Variants in ZNF385D observed in about 807,000 individuals in gnomAD.
ZNF385D encodes the protein zinc finger protein 385D, also known as zinc finger protein 659.
A neutral mutation model predicts 35.8 loss-of-function variants in ZNF385D; 15 were observed. The observed-to-expected ratio is 0.42, with a 90% CI of 0.28 to 0.64. The LOEUF is 0.64. Ranked by LOEUF, ZNF385D falls within the 30% of genes least tolerant of loss-of-function variation. The pLI, the probability that ZNF385D is intolerant of heterozygous loss-of-function variation, is 0.23. For synonymous variants in ZNF385D, 212 were observed against 186.8 expected, an observed-to-expected ratio of 1.13 and a Z score of -1.10; for missense variants, 474 against 494.6, an observed-to-expected ratio of 0.96 and a Z score of 0.39.
At chr3:21,848,352 G>C (rs1370783010) in intron 3 of ZNF385D, among the ~76,000 whole-genome samples, 1 of 151,636 alleles carries the variant, frequency 6.6e-6, no homozygotes, top group Non-Finnish European at 1.5e-5. Flanking sequence ...AATTACTTCG[G>C]ATAAATATTT....
At chr3:21,880,618 A>G (rs1222922139) in intron 3 of ZNF385D, among the ~76,000 whole-genome samples, 1 of 152,036 alleles carries the variant, frequency 6.6e-6, no homozygotes, top group Non-Finnish European at 1.5e-5. Flanking sequence ...TTTAATTACT[A>G]ACCCTACAAT....
intron 2 of ZNF385D, among the ~76,000 whole-genome samples, chr3:21,594,126 G>A (rs1226951839): frequency 6.6e-6 from 1 of 152,178 alleles, no homozygotes; most frequent in Non-Finnish European, 1.5e-5. Context: ...GCATGATGGA[G>A]TTGGTCCATT....
intron 2 of ZNF385D, among the ~76,000 whole-genome samples, chr3:21,595,610 T>C (rs886410533): frequency 6.6e-6 from 1 of 152,016 alleles, no homozygotes; most frequent in African/African-American, 2.4e-5. Context: ...TTGGAATGGA[T>C]TGATACTTAG....
At chr3:21,472,348 G>A (rs1703947972) in intron 4 of ZNF385D, among the ~76,000 whole-genome samples, 1 of 152,010 alleles carries the variant, frequency 6.6e-6, no homozygotes, top group African/African-American at 2.4e-5. Flanking sequence ...CATGCTAAAG[G>A]ACATAGAGGA....
chr3:22,082,809 C>A (rs566703848), intron 3 of ZNF385D, among the ~76,000 whole-genome samples: 41 of 152,312 alleles, frequency 2.7e-4, no homozygotes, highest in African/African-American at 9.4e-4. Flanking sequence ...TAGGGGCCGA[C>A]TGACACCTCA....
intron 3 of ZNF385D, among the ~76,000 whole-genome samples, chr3:22,005,083 A>AAAAAAAAAAAAAAAAAAAAAC (rs1553717904): frequency 8.5e-6 from 1 of 117,310 alleles, no homozygotes; most frequent in Non-Finnish European, 1.7e-5. Context: ...AAAAAAAAAA[A>AAAAAAAAAAAAAAAAAAAAAC]AGGCAGAAAA....
intron 3 of ZNF385D, among the ~76,000 whole-genome samples, chr3:21,943,308 G>A (rs564889190): frequency 2.1e-4 from 32 of 151,240 alleles, no homozygotes; most frequent in Non-Finnish European, 4.3e-4. Flanking sequence ...GTGTGTGTGT[G>A]TATATATATG....
intron 2 of ZNF385D, among the ~76,000 whole-genome samples, chr3:22,298,813 C>T (rs967031447): frequency 1.3e-5 from 2 of 151,252 alleles, no homozygotes; most frequent in African/African-American, 4.8e-5. Context: ...AATTGTTTAT[C>T]TTTATTTAAT....
chr3:22,253,334 T>G (rs995896499), intron 2 of ZNF385D, among the ~76,000 whole-genome samples: 3 of 151,956 alleles, frequency 2.0e-5, no homozygotes, highest in Non-Finnish European at 4.4e-5. Flanking sequence ...ATAAGGTTAG[T>G]TGCATCAAGA....
At chr3:21,543,392 G>T (rs1416786530) in intron 3 of ZNF385D, among the ~76,000 whole-genome samples, 2 of 152,172 alleles carry the variant, frequency 1.3e-5, no homozygotes, top group Non-Finnish European at 2.9e-5. Flanking sequence ...CCCACCCCTT[G>T]TCGCTCCTGG....
intron 3 of ZNF385D, among the ~76,000 whole-genome samples, chr3:21,824,507 A>ATGTC (rs1694476494): frequency 6.6e-6 from 1 of 152,258 alleles, no homozygotes; most frequent in Non-Finnish European, 1.5e-5. Context: ...TTATGTACAT[A>ATGTC]TGTCTGTACA....
At chr3:21,942,229 T>C (rs2125276880) in intron 3 of ZNF385D, among the ~76,000 whole-genome samples, 1 of 152,342 alleles carries the variant, frequency 6.6e-6, no homozygotes, top group Admixed American at 6.5e-5. Context: ...GTTATTCACG[T>C]AGTTTGTTTT....
chr3:22,245,661 G>T (rs1479528097), intron 2 of ZNF385D, among the ~76,000 whole-genome samples: 1 of 150,968 alleles, frequency 6.6e-6, no homozygotes. Context: ...GGTGTGTGCT[G>T]CTGCACAACT....
At chr3:21,909,105 G>C (rs958966170) in intron 3 of ZNF385D, among the ~76,000 whole-genome samples, 1 of 152,000 alleles carries the variant, frequency 6.6e-6, no homozygotes, top group African/African-American at 2.4e-5. Context: ...CACTAGGGTT[G>C]AAAACACAGA....
At chr3:22,010,937 C>A (rs1407602325) in intron 3 of ZNF385D, among the ~76,000 whole-genome samples, 1 of 152,066 alleles carries the variant, frequency 6.6e-6, no homozygotes, top group Non-Finnish European at 1.5e-5. Flanking sequence ...TTGAAAATAT[C>A]ATCTACTCAG....
chr3:21,626,260 A>T (rs1442329125), intron 2 of ZNF385D, among the ~76,000 whole-genome samples: 1 of 152,078 alleles, frequency 6.6e-6, no homozygotes, highest in Non-Finnish European at 1.5e-5. Flanking sequence ...TTTGGGTGAA[A>T]ACATGACAGA....
intron 2 of ZNF385D, among the ~76,000 whole-genome samples, chr3:21,658,329 T>G (rs1302940494): frequency 6.6e-6 from 1 of 152,056 alleles, no homozygotes. Context: ...AACTTAAAAT[T>G]ACAGATGCAA....
At chr3:21,728,157 G>A (rs1220058892) in intron 1 of ZNF385D, among the ~76,000 whole-genome samples, 3 of 152,034 alleles carry the variant, frequency 2.0e-5, no homozygotes, top group Admixed American at 6.6e-5. Flanking sequence ...CTAGGAGAGG[G>A]ATAGCATTAG....
At position 21,530,306 on chromosome 3, in the gene ZNF385D, CACA is replaced by C. The variant is rs1250118377; in HGVS notation, c.277-19286_277-19284del. Among the ~76,000 whole-genome samples the C allele has an allele frequency of 2.6e-5, 4 of 152,192 alleles. 1 individual carries two copies. On this transcript the variant is annotated intron_variant, in intron 3 of 7. Transcript: ENST00000281523. ...TTCACAGCAATGCAAAATGGAGTAA[CACA>C]ACAAGCTCTTCTTTGCTTTGTGAGA...
Sources: gnomAD v4.1 joint callset for allele counts (sites outside exome capture counted in the v4.1 genomes callset) on GRCh38, gnomAD v4.1.1 for gene constraint, MANE v1.5 for transcripts, NCBI Gene and HGNC (gene_info 2026-07-23, HGNC 2026-07-21) for gene names.